Variants in HDAC4 observed in about 807,000 individuals in gnomAD.
HDAC4 encodes the protein histone deacetylase 4.
Under a neutral mutation model 135.1 loss-of-function variants are expected in HDAC4, and 16 were observed. The ratio of observed to expected loss-of-function variants is 0.12; its 90% confidence interval spans 0.08 to 0.18. The LOEUF is 0.18. Ranked by LOEUF, HDAC4 falls within the 10% of genes least tolerant of loss-of-function variation. The pLI, the probability that HDAC4 is intolerant of heterozygous loss-of-function variation, is 1.00. For synonymous variants in HDAC4, 685 were observed against 653.4 expected, an observed-to-expected ratio of 1.05 and a Z score of -0.74; for missense variants, 1,143 against 1,511.8, an observed-to-expected ratio of 0.76 and a Z score of 4.05.
chr2:239,095,120 C>T, intron 16 of HDAC4, 64 bp from the exon 17 acceptor site: 4 of 1,581,006 alleles, frequency 2.5e-6, no homozygotes, highest in Non-Finnish European at 3.5e-6. Context: ...TCGACAGGCC[C>T]TGGGCGCACT....
At chr2:239,160,290 A>C (rs2042709614) in intron 6 of HDAC4, among the ~76,000 whole-genome samples, 1 of 152,238 alleles carries the variant, frequency 6.6e-6, no homozygotes, top group Non-Finnish European at 1.5e-5. Flanking sequence ...TCTTCAGACC[A>C]AGTGTCTGAA....
Position 239,308,784 on chromosome 2 carries a change from T to C in HDAC4, c.22+43894A>G, listed in dbSNP as rs746489184. ...CCAGCGCCCTCACTCCCCCAGGGCC[T>C]GTACCTGTAGCAGGAGGCTCACGTT... On this transcript the variant is annotated intron_variant, in intron 2 of 26. Coordinates refer to ENST00000543185, the MANE Select transcript of HDAC4 (RefSeq NM_001378414.1). The surrounding 1 kb of genome is among the most constrained non-coding windows in gnomAD (Gnocchi z 4.2). 1.3e-5 allele frequency among the ~76,000 whole-genome samples: 2 copies of C among 152,164 alleles called. No homozygotes were observed. Among genetic ancestry groups the C allele is most frequent in the Admixed American group, 6.5e-5 (1 of 15,274 alleles).
rs2125698868 is a variant in HDAC4 at position 239,309,778 on chromosome 2, C to T, written c.22+42900G>A. On this transcript the variant is annotated intron_variant, in intron 2 of 26. Coordinates refer to ENST00000543185, the MANE Select transcript of HDAC4 (RefSeq NM_001378414.1). This position sits in a 1 kb window ranked among gnomAD's most constrained non-coding sequence, Gnocchi z 4.2. The stretch of plus-strand genomic sequence containing the variant: ...CTTCCCCTTCGCTCATCTGGGGAAG[C>T]TGTGAGGACTGGTGTTGATAAAACA... Among the ~76,000 whole-genome samples the T allele has an allele frequency of 6.6e-6, 1 of 152,342 alleles. No individual in the cohort carries two copies. The highest frequency in any genetic ancestry group is 2.1e-4 in the South Asian group (1 of 4,834).
chr2:239,351,656 A>G (rs1275646827), intron 2 of HDAC4: 1 of 154,438 alleles, frequency 6.5e-6, no homozygotes, highest in Non-Finnish European at 1.5e-5. Flanking sequence ...TGGAATTTTC[A>G]GACAAAGACG....
At chr2:239,104,678 G>A (rs115175731) in intron 15 of HDAC4, among the ~76,000 whole-genome samples, 7,464 of 152,348 alleles carry the variant, frequency 0.049, 259 homozygotes, top group Non-Finnish European at 0.078. Flanking sequence ...GCTGTGCCCT[G>A]CGGTGCCAAG....
chr2:239,235,973 G>T (rs915912007), intron 3 of HDAC4, among the ~76,000 whole-genome samples: 1 of 152,208 alleles, frequency 6.6e-6, no homozygotes. Flanking sequence ...CCGGGAGGTG[G>T]AGGTTGCAGT....
chr2:239,310,279 C>A (rs887978616), intron 2 of HDAC4, among the ~76,000 whole-genome samples: 1 of 152,202 alleles, frequency 6.6e-6, no homozygotes, highest in African/African-American at 2.4e-5. Context: ...TGGTTTGCCC[C>A]AGATGTGGGT....
chr2:239,157,333 T>G (rs2042488804), intron 6 of HDAC4, among the ~76,000 whole-genome samples: 1 of 152,150 alleles, frequency 6.6e-6, no homozygotes, highest in Admixed American at 6.5e-5. Context: ...TTCACCAAAC[T>G]CACCCTGGTC....
chr2:239,066,698 G>A, intron 24 of HDAC4, 24 bp downstream of exon 24: 1 of 1,613,314 alleles, frequency 6.2e-7, no homozygotes, highest in Non-Finnish European at 8.5e-7. Flanking sequence ...GGAGCATCCT[G>A]TGGGGTCTCT....
rs537280009 is a variant in HDAC4 at position 239,328,064 on chromosome 2, T to C, written c.22+24614A>G. On this transcript the variant is annotated intron_variant, in intron 2 of 26. Coordinates refer to ENST00000543185, the MANE Select transcript of HDAC4 (RefSeq NM_001378414.1). ...GGTCCCCGCCCTGAGCAATGTAAGC[T>C]GGATGACACGCTGAAAGCCACACAT... is the stretch of plus-strand genomic sequence containing the variant. 2.6e-5 allele frequency among the ~76,000 whole-genome samples: 4 copies of C among 152,342 alleles called. No homozygotes were observed. In the East Asian group the frequency reaches 7.7e-4, roughly 29 times the overall value.
At chr2:239,178,774 C>G (rs1453298292) in intron 4 of HDAC4, among the ~76,000 whole-genome samples, 5 of 152,190 alleles carry the variant, frequency 3.3e-5, no homozygotes, top group Non-Finnish European at 5.9e-5. Flanking sequence ...TCCTGGCAAC[C>G]AGAGTGGCCC....
intron 2 of HDAC4, among the ~76,000 whole-genome samples, chr2:239,246,991 C>A (rs545738263): frequency 1.3e-5 from 2 of 152,362 alleles, no homozygotes; most frequent in East Asian, 3.9e-4. Flanking sequence ...GAGTCACACA[C>A]AACAGACGTC....
intron 3 of HDAC4, among the ~76,000 whole-genome samples, chr2:239,193,670 G>C (rs2045163627): frequency 6.6e-6 from 1 of 152,264 alleles, no homozygotes; most frequent in South Asian, 2.1e-4. Context: ...CGGGAGAGCA[G>C]CCAAGAGCGC....
At chr2:239,103,972 G>A (rs1467825382) in intron 15 of HDAC4, among the ~76,000 whole-genome samples, 1 of 152,236 alleles carries the variant, frequency 6.6e-6, no homozygotes, top group Non-Finnish European at 1.5e-5. Flanking sequence ...GATGCTCTGC[G>A]GGTTCTCTTC....
chr2:239,390,191 A>G (rs75646115), intron 1 of HDAC4, among the ~76,000 whole-genome samples: 2,047 of 152,198 alleles, frequency 0.013, 37 homozygotes, highest in African/African-American at 0.047. Flanking sequence ...ACCTAGCGAG[A>G]TCCTATCTGA....
intron 2 of HDAC4, among the ~76,000 whole-genome samples, chr2:239,337,753 A>G (rs1483291196): frequency 1.3e-5 from 2 of 152,188 alleles, no homozygotes; most frequent in African/African-American, 4.8e-5. Flanking sequence ...GCTGTGCGTG[A>G]CAAAGCTTTC....
Position 239,158,298 on chromosome 2 carries a change from C to T in HDAC4, c.612-1525G>A, listed in dbSNP as rs138325753. The stretch of plus-strand genomic sequence containing the variant: ...CCAGGTGACAGTCTGGGACCATTTC[C>T]GCGTTCACTTTTTCCTTCATGGGAA... On this transcript the variant is annotated intron_variant, in intron 6 of 26. Coordinates refer to ENST00000543185, the MANE Select transcript of HDAC4 (RefSeq NM_001378414.1). Among the ~76,000 whole-genome samples the T allele has an allele frequency of 6.8e-3, 1,032 of 152,260 alleles. 16 individuals carry two copies. The highest frequency in any genetic ancestry group is 0.023 in the African/African-American group (966 of 41,530).
At chr2:239,090,573 G>A (rs2036415962) in intron 17 of HDAC4, among the ~76,000 whole-genome samples, 1 of 151,138 alleles carries the variant, frequency 6.6e-6, no homozygotes, top group Non-Finnish European at 1.5e-5. Flanking sequence ...AGCCCAGGAG[G>A]TCGAGGCCGC....
intron 2 of HDAC4, among the ~76,000 whole-genome samples, chr2:239,340,465 G>C (rs1692230619): frequency 6.6e-6 from 1 of 152,140 alleles, no homozygotes; most frequent in African/African-American, 2.4e-5. Context: ...TAAAGGCTGG[G>C]CTGCATGGGA....
Sources: gnomAD v4.1 joint callset for allele counts (sites outside exome capture counted in the v4.1 genomes callset) on GRCh38, gnomAD v4.1.1 for gene constraint, Gnocchi (gnomAD v3.1) non-coding constraint, MANE v1.5 for transcripts, NCBI Gene and HGNC (gene_info 2026-07-23, HGNC 2026-07-21) for gene names.